Variants in EFEMP1 observed in about 807,000 individuals in gnomAD.
EFEMP1 encodes the protein EGF-containing fibulin-like extracellular matrix protein 1.
In EFEMP1, 18 loss-of-function variants were observed where a neutral mutation model predicts 65.7. The ratio of observed to expected loss-of-function variants is 0.27; its 90% CI spans 0.19 to 0.41. The LOEUF (loss-of-function observed/expected upper bound fraction) is 0.41, where lower values mean the gene tolerates loss of function less well. Among genes scored for constraint, EFEMP1 ranks in the 10% least tolerant of loss-of-function variants. EFEMP1 has a pLI of 1.00. For missense variants in EFEMP1, 469 were observed against 624.8 expected (o/e 0.75, Z 2.66); for synonymous variants, 237 against 219.7 (o/e 1.08, Z -0.70).
intron 5 of EFEMP1, among the ~76,000 whole-genome samples, chr2:55,906,216 C>G (rs896072809): frequency 2.1e-5 from 3 of 143,718 alleles, no homozygotes; most frequent in Non-Finnish European, 4.5e-5. Context: ...GAACAAAGCC[C>G]TGCATCTTTT....
chr2:55,923,420 C>T lies in EFEMP1; in HGVS notation c.-49+291G>A, dbSNP rs573334470. Reference sequence around the variant, plus strand: ...CCAGGTGCGGCTTAAATCTCGCACACTGGTCCCCTAAACTTTCAAAACCAC... The same window carrying T: ...CCAGGTGCGGCTTAAATCTCGCACATTGGTCCCCTAAACTTTCAAAACCAC... On this transcript the variant is annotated intron_variant, in intron 1 of 11. Transcript: ENST00000355426. The surrounding 1 kb of genome is among the most constrained non-coding windows in gnomAD (Gnocchi z 5.3). Among the ~76,000 whole-genome samples the T allele has an allele frequency of 6.6e-6, 1 of 152,322 alleles. No individual in the cohort carries two copies. Among genetic ancestry groups the T allele is most frequent in the East Asian group, 1.9e-4 (1 of 5,174 alleles).
chr2:55,888,266 A>C (rs777001600), intron 5 of EFEMP1, among the ~76,000 whole-genome samples: 20 of 151,364 alleles, frequency 1.3e-4, no homozygotes, highest in Non-Finnish European at 2.8e-4. Flanking sequence ...GTTAATTGTT[A>C]GGAGTATTTT....
intron 11 of EFEMP1, among the ~76,000 whole-genome samples, chr2:55,869,132 G>A (rs148579487): frequency 1.5e-4 from 23 of 152,242 alleles, no homozygotes; most frequent in Non-Finnish European, 2.9e-4. Context: ...AAGTCGGTAA[G>A]TGCACTGATA....
Position 55,917,654 on chromosome 2 carries a change from G to T in EFEMP1, c.517+11C>A. Reference sequence around the variant, plus strand: ...AAGCTTTCAATGGTTAGGAAAATAAGTTATTCCTACCTTGGCACACGTTGT... The same window carrying T: ...AAGCTTTCAATGGTTAGGAAAATAATTTATTCCTACCTTGGCACACGTTGT... On this transcript the variant is annotated intron_variant, in intron 5 of 11. Transcript: ENST00000355426. This position sits in a 1 kb window ranked among gnomAD's most constrained non-coding sequence, Gnocchi z 6.3. The T allele has an allele frequency of 6.2e-7, 1 of 1,614,100 alleles. No individual in the cohort carries two copies. The highest frequency in any genetic ancestry group is 8.5e-7 in the Non-Finnish European group (1 of 1,179,946).
At chr2:55,895,719 T>G (rs1157521224) in intron 5 of EFEMP1, among the ~76,000 whole-genome samples, 3 of 151,730 alleles carry the variant, frequency 2.0e-5, no homozygotes, top group Non-Finnish European at 4.4e-5. Flanking sequence ...TTTTTTGTAT[T>G]TTTAGTAGAG....
chr2:55,920,941 A>G (rs1224882064), intron 3 of EFEMP1, among the ~76,000 whole-genome samples: 6 of 152,272 alleles, frequency 3.9e-5, no homozygotes. Flanking sequence ...ACATATCTGG[A>G]AAATTTGTTA....
chr2:55,879,271 A>T (rs369402387), intron 6 of EFEMP1, among the ~76,000 whole-genome samples: 2 of 152,192 alleles, frequency 1.3e-5, no homozygotes, highest in East Asian at 1.9e-4. Flanking sequence ...AATAAACATT[A>T]TTCGAATAAA....
In EFEMP1 at chr2:55,871,006, G is replaced by A. The variant is rs762143333; in HGVS notation, c.1118C>T (p.Pro373Leu). The change falls in exon 10 of 12, where the codon CCA (proline) becomes CTA (leucine). Residue 373 changes from proline (P) to leucine (L), a missense_variant. Physicochemically the swap from Pro to Leu is moderately conservative, Grantham distance 98. Around this residue, in one of 3 missense-constraint regions of EFEMP1, gnomAD observed 399 missense variants for 528.2 expected, o/e 0.76. Transcript: ENST00000355426. This position sits in a 1 kb window ranked among gnomAD's most constrained non-coding sequence, Gnocchi z 4.2. ...NPCQDPYILT[P>L]ENRCVCPVSN... The stretch of plus-strand genomic sequence containing the variant: ...AAGTTCTGATTTTTCTTACTTCTCT[G>A]GTGTTAGAATGTAGGGATCTTGACA... 8.1e-5 allele frequency: 130 copies of A among 1,613,542 alleles called. No homozygotes were observed. Among genetic ancestry groups the A allele is most frequent in the Admixed American group, 1.2e-4 (7 of 59,880 alleles).
At chr2:55,914,725 A>T (rs578014987) in intron 5 of EFEMP1, among the ~76,000 whole-genome samples, 1 of 152,230 alleles carries the variant, frequency 6.6e-6, no homozygotes, top group Non-Finnish European at 1.5e-5. Flanking sequence ...AGATTCATTT[A>T]TTCTATCCAG....
chr2:55,882,668 A>G (rs1669286353), intron 5 of EFEMP1, among the ~76,000 whole-genome samples: 1 of 152,156 alleles, frequency 6.6e-6, no homozygotes, highest in Admixed American at 6.5e-5. Context: ...AGTAGTACAC[A>G]AAAAAGGATC....
chr2:55,920,576 A>G (rs1670878431), intron 3 of EFEMP1, among the ~76,000 whole-genome samples: 1 of 152,254 alleles, frequency 6.6e-6, no homozygotes, highest in Admixed American at 6.5e-5. Context: ...CCAGGCAAAA[A>G]TGGCAGTTCA....
intron 5 of EFEMP1, among the ~76,000 whole-genome samples, chr2:55,903,885 T>A (rs1460529722): frequency 6.6e-6 from 1 of 152,102 alleles, no homozygotes; most frequent in African/African-American, 2.4e-5. Context: ...ATTGGTATAG[T>A]CTTGTGATTG....
intron 6 of EFEMP1, among the ~76,000 whole-genome samples, chr2:55,879,685 A>T (rs7581441): frequency 0.13 from 19,182 of 150,704 alleles, 1,599 homozygotes; most frequent in African/African-American, 0.25. Flanking sequence ...AAAGGAGTGT[A>T]TGGGACACAG....
intron 5 of EFEMP1, among the ~76,000 whole-genome samples, chr2:55,905,455 T>G (rs991940042): frequency 7.9e-5 from 12 of 152,206 alleles, no homozygotes; most frequent in Non-Finnish European, 1.5e-4. Flanking sequence ...TAATTCTTTT[T>G]TGTGTGTGTG....
chr2:55,908,977 A>G (rs182110057), intron 5 of EFEMP1, among the ~76,000 whole-genome samples: 1 of 152,332 alleles, frequency 6.6e-6, no homozygotes, highest in Non-Finnish European at 1.5e-5. Flanking sequence ...TGGAAAACCT[A>G]GTAATCCAGG....
chr2:55,907,337 G>A (rs577338174), intron 5 of EFEMP1, among the ~76,000 whole-genome samples: 13 of 152,196 alleles, frequency 8.5e-5, no homozygotes, highest in Non-Finnish European at 1.6e-4. Flanking sequence ...AATAAACTAG[G>A]CAAGAAAAGG....
At chr2:55,916,367 C>T (rs989606479) in intron 5 of EFEMP1, among the ~76,000 whole-genome samples, 2 of 152,216 alleles carry the variant, frequency 1.3e-5, no homozygotes, top group East Asian at 1.9e-4. Flanking sequence ...GCCTCATCTT[C>T]CCAAAGTGCT....
At chr2:55,894,155 A>G (rs943753676) in intron 5 of EFEMP1, among the ~76,000 whole-genome samples, 2 of 152,226 alleles carry the variant, frequency 1.3e-5, no homozygotes, top group African/African-American at 2.4e-5. Context: ...ACTACCTAGC[A>G]CACATAACAT....
chr2:55,875,376 T>C, intron 8 of EFEMP1, among the ~76,000 whole-genome samples: 1 of 133,402 alleles, frequency 7.5e-6, no homozygotes, highest in Non-Finnish European at 1.5e-5. Flanking sequence ...ATATATATTT[T>C]TTTTGTTCTG....
Sources: gnomAD v4.1 joint callset for allele counts (sites outside exome capture counted in the v4.1 genomes callset) on GRCh38, gnomAD v4.1.1 for gene constraint, gnomAD v4.1.1 regional missense constraint, Gnocchi (gnomAD v3.1) non-coding constraint, MANE v1.5 for transcripts, NCBI Gene and HGNC (gene_info 2026-07-23, HGNC 2026-07-21) for gene names.